The following C10orf71 variants were observed in gnomAD, a reference collection of about 807,000 sequenced individuals.
C10orf71 encodes chromosome 10 open reading frame 71.
For synonymous variants in C10orf71, 758 were observed against 726.3 expected, an observed-to-expected ratio of 1.04 and a Z score of -0.70; for missense variants, 1,869 against 1,804.5, an observed-to-expected ratio of 1.04 and a Z score of -0.65.
rs1056243152 is a variant in C10orf71, at chr10:49,323,613, C to T, written c.1068C>T (p.Ala356=). The change falls in exon 3 of 3, where the codon GCC becomes GCT. Residue 356 remains alanine (A), a synonymous_variant. Coordinates refer to ENST00000374144, the MANE Select transcript of C10orf71 (RefSeq NM_001135196.2). ...SIPWGCRDPG[A]QVFAVEGKAP... is the part of the protein sequence containing the mutation. ...CCTGGGGGTGCAGGGATCCAGGAGC[C>T]CAGGTATTTGCTGTGGAAGGAAAAG... 6.2e-7 allele frequency: 1 copy of T among 1,602,380 alleles called. No individual in the cohort carries two copies. Among genetic ancestry groups the T allele is most frequent in the Non-Finnish European group, 8.5e-7 (1 of 1,175,842 alleles).
At chr10:49,305,679 G>C (rs575351907) in intron 1 of C10orf71, among the ~76,000 whole-genome samples, 12 of 152,300 alleles carry the variant, frequency 7.9e-5, no homozygotes, top group African/African-American at 2.9e-4. Flanking sequence ...CCAGCGGGTG[G>C]GGTCTCCTCC....
At chr10:49,306,988 C>A (rs376904076) in intron 1 of C10orf71, among the ~76,000 whole-genome samples, 238 of 152,306 alleles carry the variant, frequency 1.6e-3, no homozygotes, top group African/African-American at 5.1e-3. Context: ...CCAGGCTGAC[C>A]CTGCTTTCTC....
intron 1 of C10orf71, among the ~76,000 whole-genome samples, chr10:49,308,883 G>T (rs544973975): frequency 6.6e-6 from 1 of 152,328 alleles, no homozygotes; most frequent in South Asian, 2.1e-4. Context: ...CCCCACATGG[G>T]AGATGCTGAG....
intron 2 of C10orf71, among the ~76,000 whole-genome samples, chr10:49,318,648 C>T (rs896864618): frequency 2.0e-5 from 3 of 152,172 alleles, no homozygotes; most frequent in Admixed American, 6.5e-5. Context: ...GGTCAAGGGA[C>T]GGAAACAACA....
chr10:49,310,839 AGTC>A (rs1394592903), intron 1 of C10orf71, among the ~76,000 whole-genome samples: 2 of 152,064 alleles, frequency 1.3e-5, no homozygotes, highest in African/African-American at 2.4e-5. Flanking sequence ...AAGAGGAGGA[AGTC>A]GTCGTCCAGT....
Position 49,325,512 on chromosome 10 carries a change from T to C in C10orf71, c.2967T>C (p.Ser989=). ...TGGCAAGCAATTGCAAGAGCGGTTC[T>C]GCAGACTCAGGGAAGCTGGCAGCCC... ...GLVASNCKSG[S]ADSGKLAAPW... is the part of the protein sequence containing the mutation. The change falls in exon 3 of 3, where the codon TCT becomes TCC. Residue 989 remains serine (S), a synonymous_variant. Transcript: ENST00000374144. The C allele has an allele frequency of 6.4e-7, 1 of 1,551,116 alleles. No individual in the cohort carries two copies. The highest frequency in any genetic ancestry group is 1.2e-5 in the South Asian group (1 of 84,020).
chr10:49,311,777 G>A (rs1364558860), intron 1 of C10orf71, among the ~76,000 whole-genome samples: 1 of 152,182 alleles, frequency 6.6e-6, no homozygotes, highest in Non-Finnish European at 1.5e-5. Flanking sequence ...GGACACATGG[G>A]TCCTGCCCCT....
In C10orf71 at chr10:49,324,519, G is replaced by C; in HGVS notation, c.1974G>C (p.Gly658=). Residue 658 remains glycine, a synonymous_variant, in exon 3 of 3, where the codon GGG becomes GGC. Transcript: ENST00000374144. The stretch of plus-strand genomic sequence containing the variant: ...GCAATAGGGATCCTGAGCCTGGAGG[G>C]GCTACAGAGAAAATGAAGACCCACC... ...RLCNRDPEPG[G]ATEKMKTHQL... 6.2e-7 allele frequency: 1 copy of C among 1,612,722 alleles called. No individual in the cohort carries two copies. The highest frequency in any genetic ancestry group is 8.5e-7 in the Non-Finnish European group (1 of 1,179,302).
intron 1 of C10orf71, among the ~76,000 whole-genome samples, chr10:49,308,088 A>G (rs1848846990): frequency 6.6e-6 from 1 of 152,182 alleles, no homozygotes; most frequent in South Asian, 2.1e-4. Flanking sequence ...GAGCTCACAG[A>G]GAAAGCATCA....
intron 1 of C10orf71, among the ~76,000 whole-genome samples, chr10:49,310,787 A>ATGT (rs1256714834): frequency 6.6e-6 from 1 of 151,368 alleles, no homozygotes; most frequent in Non-Finnish European, 1.5e-5. Context: ...GATGATGATG[A>ATGT]TGATGATGAT....
intron 2 of C10orf71, among the ~76,000 whole-genome samples, chr10:49,322,143 C>T (rs1181790942): frequency 6.6e-6 from 1 of 152,128 alleles, no homozygotes; most frequent in Non-Finnish European, 1.5e-5. Context: ...TTAGGGCCTT[C>T]AACTAATTAA....
At position 49,323,812 on chromosome 10, in the gene C10orf71, G is replaced by GA. The variant is rs1301380584; in HGVS notation, c.1271dup (p.Asn424LysfsTer5). 6.2e-7 allele frequency: 1 copy of GA among 1,613,814 alleles called. No individual in the cohort carries two copies. Among genetic ancestry groups the GA allele is most frequent in the Non-Finnish European group, 8.5e-7 (1 of 1,179,882 alleles). The stretch of plus-strand genomic sequence containing the variant: ...ACACAACCCCCAGGAACAGTTTTCA[G>GA]AAAACAATGCTCTTGACCTGCCTGT... On this transcript the variant is annotated frameshift_variant, in exon 3 of 3. Coordinates refer to ENST00000374144, the MANE Select transcript of C10orf71 (RefSeq NM_001135196.2). LOFTEE classifies it low-confidence loss of function (END_TRUNC).
At chr10:49,306,823 G>T (rs1848822055) in intron 1 of C10orf71, among the ~76,000 whole-genome samples, 1 of 152,184 alleles carries the variant, frequency 6.6e-6, no homozygotes, top group Non-Finnish European at 1.5e-5. Flanking sequence ...CCAGATCCCA[G>T]GGGGACCCAC....
rs1354947160 is a variant in C10orf71 at position 49,322,409 on chromosome 10, A to G, written c.-137A>G. On this transcript the variant is annotated 5_prime_UTR_variant, in exon 3 of 3. Transcript: ENST00000374144. ...CACCTTTTTCTTTTGCAGAGAAAAA[A>G]AAAAATCCCCACTTTGCAATTGCAT... 2 of 1,112,414 alleles carry G rather than the reference A, an allele frequency of 1.8e-6. No homozygotes were observed. Among genetic ancestry groups the G allele is most frequent in the African/African-American group, 1.6e-5 (1 of 63,224 alleles). 68.9% of individuals were successfully genotyped at this position (1,112,414 alleles called of 1,614,324 possible).
At chr10:49,307,604 C>G (rs1848837507) in intron 1 of C10orf71, among the ~76,000 whole-genome samples, 1 of 152,116 alleles carries the variant, frequency 6.6e-6, no homozygotes, top group Non-Finnish European at 1.5e-5. Context: ...AGAGGCGCAC[C>G]AGAGCCCCCT....
chr10:49,318,421 T>A (rs1344601980), intron 2 of C10orf71, among the ~76,000 whole-genome samples: 1 of 152,226 alleles, frequency 6.6e-6, no homozygotes, highest in East Asian at 1.9e-4. Context: ...TATGCTGTCA[T>A]GAGTGTGTAC....
In C10orf71 at chr10:49,324,532, A is replaced by G; in HGVS notation, c.1987A>G (p.Met663Val). 6.2e-7 allele frequency: 1 copy of G among 1,613,362 alleles called. No individual in the cohort carries two copies. Among genetic ancestry groups the G allele is most frequent in the Middle Eastern group, 1.7e-4 (1 of 6,060 alleles). Residue 663 changes from methionine (M) to valine (V), a missense_variant, in exon 3 of 3, where the codon ATG becomes GTG. Transcript: ENST00000374144. ...TGAGCCTGGAGGGGCTACAGAGAAA[A>G]TGAAGACCCACCAGCTAGAGAATGG... ...DPEPGGATEK[M>V]KTHQLENGLS...
chr10:49,325,731 C>T lies in C10orf71; in HGVS notation c.3186C>T (p.Pro1062=), dbSNP rs10857471. 1.5e-5 allele frequency: 24 copies of T among 1,551,412 alleles called. 1 individual carries two copies. The highest frequency in any genetic ancestry group is 2.0e-5 in the Non-Finnish European group (23 of 1,146,880). The change falls in exon 3 of 3, where the codon CCC becomes CCT. Residue 1062 remains proline, a synonymous_variant. Coordinates refer to ENST00000374144, the MANE Select transcript of C10orf71 (RefSeq NM_001135196.2). ...CGAATTCCCCCAACCCCGGCTCCCC[C>T]GGGGAGAGCAGTGCCTGCTCCCCTG... is the stretch of plus-strand genomic sequence containing the variant. ...ERANSPNPGS[P]GESSACSPAA... is the part of the protein sequence containing the mutation.
At chr10:49,299,422 G>T (rs1848685644) in intron 1 of C10orf71, 189 bp downstream of exon 1, 1 of 152,492 alleles carries the variant, frequency 6.6e-6, no homozygotes, top group African/African-American at 2.4e-5. Flanking sequence ...TTCCCGAGGA[G>T]GCCTGAGCAG....
Sources: gnomAD v4.1 joint callset for allele counts (sites outside exome capture counted in the v4.1 genomes callset) on GRCh38, gnomAD v4.1.1 for gene constraint, MANE v1.5 for transcripts, NCBI Gene and HGNC (gene_info 2026-07-23, HGNC 2026-07-21) for gene names.